CARS1: variants seen among roughly 807,000 people sequenced by gnomAD.
CARS1 encodes the protein cysteine--tRNA ligase, cytoplasmic.
CARS1 carries 48 observed loss-of-function variants against 106.2 expected under a neutral mutation model. The ratio of observed to expected loss-of-function variants is 0.45; its 90% CI spans 0.36 to 0.57. The LOEUF is 0.57. Ranked by LOEUF, CARS1 falls within the 20% of genes least tolerant of loss-of-function variation. The probability of loss-of-function intolerance (pLI) is 0.00; values close to 1 mark genes in which losing one functional copy is unlikely to be tolerated. For missense variants in CARS1, 968 were observed against 1,057.2 expected, an observed-to-expected ratio of 0.92 and a Z score of 1.17; for synonymous variants, 409 against 403.4, an observed-to-expected ratio of 1.01 and a Z score of -0.17.
intron 2 of CARS1, among the ~76,000 whole-genome samples, chr11:3,047,473 AGCC>A (rs1246630251): frequency 2.6e-5 from 4 of 152,134 alleles, no homozygotes; most frequent in Non-Finnish European, 5.9e-5. Context: ...GGAACCCCAG[AGCC>A]GCAGCGGCTC....
chr11:3,017,773 C>T lies in CARS1; in HGVS notation c.1727+84G>A. Reference sequence around the variant, plus strand: ...GTGTCCCCAGCCCTTCCTCGACAGTCCAGGACACATGGTGGCCAAGATGCG... The same window carrying T: ...GTGTCCCCAGCCCTTCCTCGACAGTTCAGGACACATGGTGGCCAAGATGCG... On this transcript the variant is annotated intron_variant, in intron 15 of 22. Transcript: ENST00000380525. This position sits in a 1 kb window ranked among gnomAD's most constrained non-coding sequence, Gnocchi z 4.9. The T allele has an allele frequency of 2.2e-6, 2 of 910,948 alleles. No homozygotes were observed. The highest frequency in any genetic ancestry group is 3.6e-6 in the Non-Finnish European group (2 of 549,496). 56.4% of individuals were successfully genotyped at this position (910,948 alleles called of 1,614,324 possible).
intron 18 of CARS1, chr11:3,007,191 A>G (rs1266073536): frequency 1.7e-6 from 1 of 579,506 alleles, no homozygotes; most frequent in Non-Finnish European, 3.1e-6. Context: ...TGTCTCCCGT[A>G]AGCCCAGGGG....
Position 3,030,533 on chromosome 11 carries a change from T to C in CARS1, c.802-1090A>G, listed in dbSNP as rs1194139456. The C allele has an allele frequency of 2.0e-5, 3 of 152,118 alleles. No individual in the cohort carries two copies. Among genetic ancestry groups the C allele is most frequent in the Admixed American group, 1.3e-4 (2 of 15,276 alleles). The allele number at this position is 152,118 out of a possible 1,614,324, so 9.4% of individuals were successfully genotyped here. On this transcript the variant is annotated intron_variant, in intron 7 of 22. Coordinates refer to ENST00000380525, the MANE Select transcript of CARS1 (RefSeq NM_001014437.3). The surrounding 1 kb of genome is among the most constrained non-coding windows in gnomAD (Gnocchi z 5.7). Reference sequence around the variant, plus strand: ...AAGCAAACACTGGGCCTGCCCCAAGTACAGGGAAACGCGCATCCTGGCCCT... The same window carrying C: ...AAGCAAACACTGGGCCTGCCCCAAGCACAGGGAAACGCGCATCCTGGCCCT...
At chr11:3,016,535 T>C (rs2134137390) in intron 16 of CARS1, among the ~76,000 whole-genome samples, 1 of 152,268 alleles carries the variant, frequency 6.6e-6, no homozygotes, top group East Asian at 1.9e-4. Context: ...GTTTTGCTTT[T>C]CAAACTCCAA....
intron 21 of CARS1, 197 bp downstream of exon 21, chr11:3,002,344 C>T: frequency 2.0e-6 from 2 of 997,386 alleles, no homozygotes; most frequent in Non-Finnish European, 1.5e-6. Flanking sequence ...CAGCCTTCCC[C>T]TTGGCCAGGC....
Position 3,017,648 on chromosome 11 carries a change from A to G in CARS1, c.1727+209T>C. 2 of 573,262 alleles carry G rather than the reference A, an allele frequency of 3.5e-6. No individual in the cohort carries two copies. The highest frequency in any genetic ancestry group is 6.1e-6 in the Non-Finnish European group (2 of 325,574). The allele number at this position is 573,262 out of a possible 1,614,324, so 35.5% of individuals were successfully genotyped here. A position where few individuals can be genotyped will look rare whatever the true frequency, so the allele number is the denominator to read the frequency against. On this transcript the variant is annotated intron_variant, in intron 15 of 22. Coordinates refer to ENST00000380525, the MANE Select transcript of CARS1 (RefSeq NM_001014437.3). This position sits in a 1 kb window ranked among gnomAD's most constrained non-coding sequence, Gnocchi z 4.9. ...ACAAGGGCGAAACTCCGTCTCAAAA[A>G]GAAAAAACAAAAAAGAAATTCTCCA... is the stretch of plus-strand genomic sequence containing the variant.
intron 16 of CARS1, among the ~76,000 whole-genome samples, chr11:3,016,331 C>T (rs1405280479): frequency 6.6e-6 from 1 of 151,866 alleles, no homozygotes; most frequent in East Asian, 1.9e-4. Flanking sequence ...TGCCATTCTC[C>T]TGCCTCAGCC....
Position 3,017,578 on chromosome 11 carries a change from G to A in CARS1, c.1727+279C>T, listed in dbSNP as rs1366996797. 7.2e-6 allele frequency: 4 copies of A among 557,138 alleles called. No homozygotes were observed. Among genetic ancestry groups the A allele is most frequent in the Non-Finnish European group, 1.3e-5 (4 of 314,366 alleles). The allele number at this position is 557,138 out of a possible 1,614,324, so 34.5% of individuals were successfully genotyped here. ...GAATCGCTCGAACCCGGGAGGTGGAGGTTGTGGTGAGCCGAGATCACGCCA... is the reference window on the plus strand; with the variant it reads ...GAATCGCTCGAACCCGGGAGGTGGAAGTTGTGGTGAGCCGAGATCACGCCA... On this transcript the variant is annotated intron_variant, in intron 15 of 22. Transcript: ENST00000380525. The surrounding 1 kb of genome is among the most constrained non-coding windows in gnomAD (Gnocchi z 4.9).
At chr11:3,047,272 A>G (rs420151) in intron 2 of CARS1, among the ~76,000 whole-genome samples, 67,025 of 141,384 alleles carry the variant, frequency 0.47, 17,248 homozygotes, top group African/African-American at 0.7. Context: ...GCGAGACTCC[A>G]TCTCAAAAAA....
At chr11:3,023,453 G>C (rs990567875) in intron 10 of CARS1, among the ~76,000 whole-genome samples, 1 of 152,134 alleles carries the variant, frequency 6.6e-6, no homozygotes, top group Admixed American at 6.5e-5. Flanking sequence ...GGAGTGCAAC[G>C]GTGTAATCAC....
In CARS1 at chr11:3,045,117, G is replaced by A. The variant is rs1360543081; in HGVS notation, c.274+2636C>T. ...GGGCTGGAAGGGCTGAGCCTCCACT[G>A]CGGGTGAGAAGTGCTCAACAAGTTC... On this transcript the variant is annotated intron_variant, in intron 2 of 22. Coordinates refer to ENST00000380525, the MANE Select transcript of CARS1 (RefSeq NM_001014437.3). The surrounding 1 kb of genome is among the most constrained non-coding windows in gnomAD (Gnocchi z 5.6). Among the ~76,000 whole-genome samples, 1 of 152,158 alleles carries A rather than the reference G, an allele frequency of 6.6e-6. No homozygotes were observed. The highest frequency in any genetic ancestry group is 1.5e-5 in the Non-Finnish European group (1 of 68,036).
In CARS1 at chr11:3,037,965, G is replaced by C. The variant is rs1853895148; in HGVS notation, c.801+85C>G. 2.3e-6 allele frequency: 3 copies of C among 1,331,780 alleles called. No homozygotes were observed. The highest frequency in any genetic ancestry group is 2.1e-5 in the Admixed American group (1 of 48,028). 82.5% of individuals were successfully genotyped at this position (1,331,780 alleles called of 1,614,324 possible). ...GTGTCTTCCACTAAGACAATCTGTG[G>C]AATCAATCCGTGCACACAGATCAGT... On this transcript the variant is annotated intron_variant, in intron 7 of 22. Coordinates refer to ENST00000380525, the MANE Select transcript of CARS1 (RefSeq NM_001014437.3). This position sits in a 1 kb window ranked among gnomAD's most constrained non-coding sequence, Gnocchi z 5.9.
Position 3,021,435 on chromosome 11 carries a change from A to T in CARS1, c.1154-1103T>A, listed in dbSNP as rs916978483. Among the ~76,000 whole-genome samples the T allele has an allele frequency of 6.6e-6, 1 of 152,018 alleles. No homozygotes were observed. Among genetic ancestry groups the T allele is most frequent in the African/African-American group, 2.4e-5 (1 of 41,364 alleles). On this transcript the variant is annotated intron_variant, in intron 10 of 22. Coordinates refer to ENST00000380525, the MANE Select transcript of CARS1 (RefSeq NM_001014437.3). This position sits in a 1 kb window ranked among gnomAD's most constrained non-coding sequence, Gnocchi z 5.3. Reference sequence around the variant, plus strand: ...TCCATCTAGGGTTCTAACTCAGGTGACCCTGAAGAAGCTGCAGTGAGATCT... The same window carrying T: ...TCCATCTAGGGTTCTAACTCAGGTGTCCCTGAAGAAGCTGCAGTGAGATCT...
In CARS1 at chr11:3,039,337, C is replaced by A; in HGVS notation, c.553-45G>T. 3.4e-6 allele frequency: 4 copies of A among 1,189,530 alleles called. No homozygotes were observed. The highest frequency in any genetic ancestry group is 5.0e-6 in the Non-Finnish European group (4 of 794,174). The allele number at this position is 1,189,530 out of a possible 1,614,324, so 73.7% of individuals were successfully genotyped here. On this transcript the variant is annotated intron_variant, in intron 5 of 22. Transcript: ENST00000380525. The surrounding 1 kb of genome is among the most constrained non-coding windows in gnomAD (Gnocchi z 5.6). ...ATTGGGGAGTGATGCTTGGATCCCA[C>A]ATGCATCCCTCTGCAGCAGGCCACT...
chr11:3,035,422 G>A (rs1445963453), intron 7 of CARS1, among the ~76,000 whole-genome samples: 1 of 152,200 alleles, frequency 6.6e-6, no homozygotes, highest in African/African-American at 2.4e-5. Flanking sequence ...ACAAATGCAG[G>A]TGTATGTGCA....
chr11:3,040,142 A>G lies in CARS1; in HGVS notation c.456-211T>C. On this transcript the variant is annotated intron_variant, in intron 4 of 22. Transcript: ENST00000380525. The surrounding 1 kb of genome is among the most constrained non-coding windows in gnomAD (Gnocchi z 5.8). ...ATAATGATCCACTTCCACCTAATGA[A>G]TAGTAAATATATTGCCTCTCCCTTA... 2.0e-6 allele frequency: 1 copy of G among 499,516 alleles called. No individual in the cohort carries two copies. Among genetic ancestry groups the G allele is most frequent in the East Asian group, 3.4e-5 (1 of 29,450 alleles). The allele number at this position is 499,516 out of a possible 1,614,324, so 30.9% of individuals were successfully genotyped here. A position where few individuals can be genotyped will look rare whatever the true frequency, so the allele number is the denominator to read the frequency against.
intron 17 of CARS1, among the ~76,000 whole-genome samples, chr11:3,015,165 C>T (rs1252088874): frequency 6.6e-6 from 1 of 152,170 alleles, no homozygotes; most frequent in Non-Finnish European, 1.5e-5. Context: ...CCAGGGTGTT[C>T]TGGATGGATT....
intron 22 of CARS1, 53 bp downstream of exon 22, chr11:3,001,917 T>A: frequency 7.5e-7 from 1 of 1,341,170 alleles, no homozygotes; most frequent in Non-Finnish European, 1.1e-6. Context: ...CCTCCCACTT[T>A]AATGTGGTCT....
At chr11:3,055,377 G>A (rs1051094211) in intron 1 of CARS1, among the ~76,000 whole-genome samples, 1 of 152,116 alleles carries the variant, frequency 6.6e-6, no homozygotes, top group African/African-American at 2.4e-5. Flanking sequence ...TCCTGACCTC[G>A]TGATCTGCCT....
Sources: gnomAD v4.1 joint callset for allele counts (sites outside exome capture counted in the v4.1 genomes callset) on GRCh38, gnomAD v4.1.1 for gene constraint, Gnocchi (gnomAD v3.1) non-coding constraint, MANE v1.5 for transcripts, NCBI Gene and HGNC (gene_info 2026-07-23, HGNC 2026-07-21) for gene names.